The following OR2A42 variants were observed in gnomAD, a reference collection of about 807,000 sequenced individuals.
OR2A42 encodes the protein olfactory receptor family 2 subfamily A member 42.
For missense variants in OR2A42, 3 were observed against 104.1 expected, an observed-to-expected ratio of 0.03 and a Z score of 4.23; for synonymous variants, 5 against 46.4, an observed-to-expected ratio of 0.11 and a Z score of 3.63.
chr7:144,229,261 T>TTTTC lies in OR2A42; in HGVS notation c.*2646_*2649dup, dbSNP rs1220534421. The TTTTC allele has an allele frequency of 3.0e-5, 4 of 133,532 alleles. No homozygotes were observed. Among genetic ancestry groups the TTTTC allele is most frequent in the Non-Finnish European group, 6.6e-5 (4 of 60,994 alleles). 8.3% of individuals were successfully genotyped at this position (133,532 alleles called of 1,614,324 possible). A position where few individuals can be genotyped will look rare whatever the true frequency, so the allele number is the denominator to read the frequency against. ...GTGTCCATTTGCATCTTGCTTTGGGTTTTCAGTGGCACTCTGTGGTGTCCT... is the reference window on the plus strand; with the variant it reads ...GTGTCCATTTGCATCTTGCTTTGGGTTTTCTTTCAGTGGCACTCTGTGGTGTCCT... On this transcript the variant is annotated 3_prime_UTR_variant, in exon 3 of 3. Coordinates refer to ENST00000641810, the MANE Select transcript of OR2A42 (RefSeq NM_001001802.3).
intron 2 of OR2A42, among the ~76,000 whole-genome samples, chr7:144,233,718 T>TTC (rs2052397145): frequency 1.3e-5 from 1 of 74,482 alleles, no homozygotes; most frequent in East Asian, 3.3e-4. Context: ...TCTTTTTACA[T>TTC]GTAGAATGAA....
Position 144,230,284 on chromosome 7 carries a change from TGATTTTTATATAATGGTTAC to T in OR2A42, c.*1607_*1626del, listed in dbSNP as rs1303076084. On this transcript the variant is annotated 3_prime_UTR_variant, in exon 3 of 3. Coordinates refer to ENST00000641810, the MANE Select transcript of OR2A42 (RefSeq NM_001001802.3). The stretch of plus-strand genomic sequence containing the variant: ...ATCTTTGGAAATTTCATGATCTCTT[TGATTTTTATATAATGGTTAC>T]GATTATGGGTTCAGCAGTCATATTG... 8.3e-6 allele frequency: 1 copy of T among 121,006 alleles called. No individual in the cohort carries two copies. Among genetic ancestry groups the T allele is most frequent in the Non-Finnish European group, 1.7e-5 (1 of 57,760 alleles). The allele number at this position is 121,006 out of a possible 1,614,324, so 7.5% of individuals were successfully genotyped here. A position where few individuals can be genotyped will look rare whatever the true frequency, so the allele number is the denominator to read the frequency against.
At chr7:144,237,713 TA>T (rs2052449165) in intron 2 of OR2A42, among the ~76,000 whole-genome samples, 1 of 150,312 alleles carries the variant, frequency 6.7e-6, no homozygotes, top group Non-Finnish European at 1.5e-5. Context: ...ATTTATTGAC[TA>T]ACTAGATATC....
At chr7:144,235,071 C>A (rs1192573316) in intron 2 of OR2A42, among the ~76,000 whole-genome samples, 2 of 146,980 alleles carry the variant, frequency 1.4e-5, no homozygotes, top group African/African-American at 5.2e-5. Context: ...CCCTCAGCCT[C>A]CCAAGTAGCT....
intron 2 of OR2A42, among the ~76,000 whole-genome samples, chr7:144,237,703 A>T: frequency 6.6e-6 from 1 of 150,412 alleles, no homozygotes; most frequent in South Asian, 2.1e-4. Flanking sequence ...TTCAATAATT[A>T]TTTATTGACT....
At chr7:144,234,818 T>C (rs1427600959) in intron 2 of OR2A42, among the ~76,000 whole-genome samples, 1 of 102,572 alleles carries the variant, frequency 9.7e-6, no homozygotes, top group Non-Finnish European at 1.9e-5. Flanking sequence ...AAGGGTTATA[T>C]TTTTTTTTTC....
At chr7:144,237,696 A>C (rs1421046037) in intron 2 of OR2A42, among the ~76,000 whole-genome samples, 2 of 150,306 alleles carry the variant, frequency 1.3e-5, no homozygotes, top group East Asian at 3.8e-4. Context: ...GTAGGTGTTC[A>C]ATAATTATTT....
chr7:144,237,998 T>C (rs1351213162), intron 2 of OR2A42, among the ~76,000 whole-genome samples: 1 of 138,842 alleles, frequency 7.2e-6, no homozygotes. Flanking sequence ...ATCTGTGTTA[T>C]ACATTGAACA....
rs1434181712 is a variant in OR2A42 at position 144,230,308 on chromosome 7, T to C, written c.*1603A>G. ...TTGATTTTTATATAATGGTTACGAT[T>C]ATGGGTTCAGCAGTCATATTGCCTA... On this transcript the variant is annotated 3_prime_UTR_variant, in exon 3 of 3. Coordinates refer to ENST00000641810, the MANE Select transcript of OR2A42 (RefSeq NM_001001802.3). 1 of 121,286 alleles carries C rather than the reference T, an allele frequency of 8.2e-6. No individual in the cohort carries two copies. The highest frequency in any genetic ancestry group is 2.1e-4 in the East Asian group (1 of 4,868). 7.5% of individuals were successfully genotyped at this position (121,286 alleles called of 1,614,324 possible).
At chr7:144,235,068 C>T (rs1190882046) in intron 2 of OR2A42, among the ~76,000 whole-genome samples, 6 of 147,018 alleles carry the variant, frequency 4.1e-5, no homozygotes, top group African/African-American at 1.6e-4. Flanking sequence ...TCCCCCTCAG[C>T]CTCCCAAGTA....
In OR2A42 at chr7:144,229,239, T is replaced by C. The variant is rs1190888174; in HGVS notation, c.*2672A>G. 2.3e-5 allele frequency: 3 copies of C among 132,210 alleles called. No homozygotes were observed. Among genetic ancestry groups the C allele is most frequent in the African/African-American group, 8.2e-5 (3 of 36,710 alleles). The allele number at this position is 132,210 out of a possible 1,614,324, so 8.2% of individuals were successfully genotyped here. ...TTTAAGTCTTCAGAAAAAAAATGTG[T>C]CCATTTGCATCTTGCTTTGGGTTTT... On this transcript the variant is annotated 3_prime_UTR_variant, in exon 3 of 3. Coordinates refer to ENST00000641810, the MANE Select transcript of OR2A42 (RefSeq NM_001001802.3).
chr7:144,229,092 G>A lies in OR2A42; in HGVS notation c.*2819C>T, dbSNP rs535739474. Reference sequence around the variant, plus strand: ...GCGTAGGTGACCTACCAGCACCAATGCTCTTCCTGTTTAAAGAGCAATTTT... The same window carrying A: ...GCGTAGGTGACCTACCAGCACCAATACTCTTCCTGTTTAAAGAGCAATTTT... On this transcript the variant is annotated 3_prime_UTR_variant, in exon 3 of 3. Transcript: ENST00000641810. The A allele has an allele frequency of 1.7e-3, 260 of 150,022 alleles. No individual in the cohort carries two copies. Among genetic ancestry groups the A allele is most frequent in the Non-Finnish European group, 2.8e-3 (190 of 67,316 alleles). The allele number at this position is 150,022 out of a possible 1,614,324, so 9.3% of individuals were successfully genotyped here.
At chr7:144,237,758 TGA>T (rs2052449867) in intron 2 of OR2A42, among the ~76,000 whole-genome samples, 1 of 149,924 alleles carries the variant, frequency 6.7e-6, no homozygotes, top group Admixed American at 6.6e-5. Context: ...AAAACATTAA[TGA>T]ACTCTCCACA....
rs1175811192 is a variant in OR2A42 at position 144,230,597 on chromosome 7, T to G, written c.*1314A>C. 1 of 151,070 alleles carries G rather than the reference T, an allele frequency of 6.6e-6. No homozygotes were observed. The highest frequency in any genetic ancestry group is 1.5e-5 in the Non-Finnish European group (1 of 67,688). The allele number at this position is 151,070 out of a possible 1,614,324, so 9.4% of individuals were successfully genotyped here. ...GTACGTGAACTAGAGATGTCTTTGT[T>G]CTGGATCTTACCACCCAGAACCAAG... is the stretch of plus-strand genomic sequence containing the variant. On this transcript the variant is annotated 3_prime_UTR_variant, in exon 3 of 3. Coordinates refer to ENST00000641810, the MANE Select transcript of OR2A42 (RefSeq NM_001001802.3).
chr7:144,235,656 C>T (rs1337578841), intron 2 of OR2A42, among the ~76,000 whole-genome samples: 1 of 152,200 alleles, frequency 6.6e-6, no homozygotes, highest in Non-Finnish European at 1.5e-5. Context: ...AATCTGAATA[C>T]TTGAAAGACA....
Position 144,230,140 on chromosome 7 carries a change from T to TGTTA in OR2A42, c.*1770_*1771insTAAC, listed in dbSNP as rs2052353730. ...CACCAGTATAAAAAAAGCTGTTTTT[T>TGTTA]GTTTGTTTGTTTGTTTGTTTGTTTG... On this transcript the variant is annotated 3_prime_UTR_variant, in exon 3 of 3. Coordinates refer to ENST00000641810, the MANE Select transcript of OR2A42 (RefSeq NM_001001802.3). 2 of 81,060 alleles carry TGTTA rather than the reference T, an allele frequency of 2.5e-5. No individual in the cohort carries two copies. Among genetic ancestry groups the TGTTA allele is most frequent in the Non-Finnish European group, 5.6e-5 (2 of 35,518 alleles). 5.0% of individuals were successfully genotyped at this position (81,060 alleles called of 1,614,324 possible). A position where few individuals can be genotyped will look rare whatever the true frequency, so the allele number is the denominator to read the frequency against.
At chr7:144,235,783 TAA>T (rs1385293231) in intron 2 of OR2A42, among the ~76,000 whole-genome samples, 1 of 149,096 alleles carries the variant, frequency 6.7e-6, no homozygotes, top group Non-Finnish European at 1.5e-5. Context: ...AAGGAGAGAC[TAA>T]AAAAAAAAAT....
chr7:144,237,842 A>G (rs1426018551), intron 2 of OR2A42, among the ~76,000 whole-genome samples: 1 of 149,174 alleles, frequency 6.7e-6, no homozygotes, highest in Non-Finnish European at 1.5e-5. Flanking sequence ...TTAAAGAGCC[A>G]TGGGCTTAGT....
At chr7:144,237,638 G>A (rs1335974186) in intron 2 of OR2A42, among the ~76,000 whole-genome samples, 2 of 150,678 alleles carry the variant, frequency 1.3e-5, no homozygotes, top group African/African-American at 4.8e-5. Flanking sequence ...TCTAGTAAGT[G>A]ACTAAAAAGG....
Sources: allele counts gnomAD v4.1 joint callset (sites outside exome capture counted in the v4.1 genomes callset), GRCh38; gene constraint gnomAD v4.1.1; transcripts MANE v1.5; gene names NCBI Gene and HGNC (gene_info 2026-07-23, HGNC 2026-07-21).